Variants in CNTN1 observed in about 807,000 individuals in gnomAD.
CNTN1 encodes the protein contactin 1.
A neutral mutation model predicts 126.4 loss-of-function variants in CNTN1; 38 were observed. The ratio of observed to expected loss-of-function variants is 0.30; its 90% CI spans 0.23 to 0.39. The LOEUF (loss-of-function observed/expected upper bound fraction) is 0.39. CNTN1 is among the 10% of genes least tolerant of loss of function. The pLI is 1.00. For synonymous variants in CNTN1, 413 were observed against 422.6 expected (o/e 0.98, Z 0.28); for missense variants, 1,009 against 1,248.4 (o/e 0.81, Z 2.89).
chr12:40,854,170 A>T, intron 1 of CNTN1, among the ~76,000 whole-genome samples: 1 of 151,880 alleles, frequency 6.6e-6, no homozygotes, highest in East Asian at 1.9e-4. Flanking sequence ...GGAAGTTTAC[A>T]GTCTAGTGGT....
At chr12:40,906,138 G>A (rs1944802797) in intron 1 of CNTN1, among the ~76,000 whole-genome samples, 1 of 152,150 alleles carries the variant, frequency 6.6e-6, no homozygotes, top group Non-Finnish European at 1.5e-5. Flanking sequence ...GGGCGTGGTG[G>A]TGGGTGCCTG....
chr12:40,892,549 A>T (rs1189925677), intron 1 of CNTN1, among the ~76,000 whole-genome samples: 1 of 152,104 alleles, frequency 6.6e-6, no homozygotes, highest in Non-Finnish European at 1.5e-5. Context: ...AAGAGATGAA[A>T]AATCATAGCC....
At chr12:41,016,940 A>G in intron 19 of CNTN1, 24 bp downstream of exon 19, 1 of 1,575,970 alleles carries the variant, frequency 6.3e-7, no homozygotes, top group African/African-American at 1.3e-5. Context: ...AGACCTTCTT[A>G]CCTGAGGAGG....
intron 23 of CNTN1, among the ~76,000 whole-genome samples, chr12:41,044,059 T>A (rs1949486607): frequency 6.9e-6 from 1 of 145,692 alleles, no homozygotes; most frequent in Non-Finnish European, 1.5e-5. Flanking sequence ...AAATGACGAG[T>A]TAATGGGTGC....
chr12:40,843,597 G>A (rs1942374316), intron 1 of CNTN1, among the ~76,000 whole-genome samples: 1 of 152,080 alleles, frequency 6.6e-6, no homozygotes, highest in Non-Finnish European at 1.5e-5. Context: ...GCTCACATAT[G>A]AATGGACTAC....
chr12:40,855,322 C>T (rs967987240), intron 1 of CNTN1, among the ~76,000 whole-genome samples: 4 of 151,914 alleles, frequency 2.6e-5, no homozygotes, highest in Non-Finnish European at 5.9e-5. Flanking sequence ...TTTAAATTGT[C>T]TGTTGTATTA....
chr12:40,862,810 G>A (rs1943162644), intron 1 of CNTN1, among the ~76,000 whole-genome samples: 1 of 152,100 alleles, frequency 6.6e-6, no homozygotes, highest in Admixed American at 6.6e-5. Flanking sequence ...AGCTACATCT[G>A]TAATCTTTAT....
At chr12:40,870,200 GT>G (rs1377063928) in intron 1 of CNTN1, among the ~76,000 whole-genome samples, 2 of 142,838 alleles carry the variant, frequency 1.4e-5, no homozygotes, top group Admixed American at 7.0e-5. Flanking sequence ...CTAGTCTTGG[GT>G]ATGTCTTTAT....
chr12:40,812,812 A>C (rs931126390), intron 1 of CNTN1, among the ~76,000 whole-genome samples: 9 of 152,032 alleles, frequency 5.9e-5, no homozygotes, highest in Non-Finnish European at 1.3e-4. Context: ...GCATCTAGTT[A>C]GGTCTTATTT....
chr12:40,831,711 CTCTT>C (rs1941847225), intron 1 of CNTN1, among the ~76,000 whole-genome samples: 2 of 152,086 alleles, frequency 1.3e-5, no homozygotes, highest in South Asian at 2.1e-4. Flanking sequence ...GTTCATCAAT[CTCTT>C]TCTTCTCACA....
At chr12:40,908,569 A>T in intron 2 of CNTN1, 76 bp downstream of exon 2, 1 of 1,106,596 alleles carries the variant, frequency 9.0e-7, no homozygotes, top group Non-Finnish European at 1.3e-6. Flanking sequence ...AATGTATTGT[A>T]TGAAGTAAAA....
chr12:40,984,744 A>C (rs1330140496), intron 16 of CNTN1, among the ~76,000 whole-genome samples: 1 of 152,244 alleles, frequency 6.6e-6, no homozygotes, highest in South Asian at 2.1e-4. Flanking sequence ...TTTCTTTACA[A>C]CTTTGCTCCT....
intron 1 of CNTN1, among the ~76,000 whole-genome samples, chr12:40,747,228 T>C (rs1221424816): frequency 1.3e-5 from 2 of 152,032 alleles, no homozygotes; most frequent in African/African-American, 2.4e-5. Context: ...TTATCATACA[T>C]GGCATTTCTA....
chr12:40,807,152 C>T (rs73114722), intron 1 of CNTN1, among the ~76,000 whole-genome samples: 3,455 of 152,062 alleles, frequency 0.023, 127 homozygotes, highest in African/African-American at 0.078. Context: ...GATCGAGAAG[C>T]ATAAAATCCC....
intron 1 of CNTN1, among the ~76,000 whole-genome samples, chr12:40,883,961 A>G (rs969555068): frequency 1.3e-5 from 2 of 151,590 alleles, no homozygotes; most frequent in African/African-American, 4.8e-5. Flanking sequence ...ATCCTTTATC[A>G]TAGGAAAATG....
chr12:40,871,354 C>T (rs1420762677), intron 1 of CNTN1, among the ~76,000 whole-genome samples: 1 of 152,046 alleles, frequency 6.6e-6, no homozygotes, highest in Non-Finnish European at 1.5e-5. Flanking sequence ...TTGTATGACT[C>T]TAGGGAGAGG....
chr12:41,061,169 A>G (rs1949930865), intron 23 of CNTN1, among the ~76,000 whole-genome samples: 2 of 152,164 alleles, frequency 1.3e-5, no homozygotes, highest in Non-Finnish European at 2.9e-5. Flanking sequence ...AGTCCTCATA[A>G]TTATGGTCTC....
chr12:40,820,653 T>A (rs1941414766), intron 1 of CNTN1, among the ~76,000 whole-genome samples: 1 of 152,066 alleles, frequency 6.6e-6, no homozygotes, highest in Non-Finnish European at 1.5e-5. Flanking sequence ...GATCACAGCA[T>A]CTCCCTCTCC....
chr12:40,929,391 C>A (rs1232141166), intron 6 of CNTN1, among the ~76,000 whole-genome samples: 1 of 151,360 alleles, frequency 6.6e-6, no homozygotes, highest in Non-Finnish European at 1.5e-5. Context: ...GGTAAGTAAT[C>A]TTAATTATAT....
Sources: gnomAD v4.1 joint callset for allele counts (sites outside exome capture counted in the v4.1 genomes callset) on GRCh38, gnomAD v4.1.1 for gene constraint, MANE v1.5 for transcripts, NCBI Gene and HGNC (gene_info 2026-07-23, HGNC 2026-07-21) for gene names.